Variants in CNTNAP2 observed in about 807,000 individuals in gnomAD.
The protein encoded by CNTNAP2 is contactin associated protein 2.
CNTNAP2 carries 98 observed loss-of-function variants against 155.2 expected under a neutral mutation model. The observed-to-expected ratio is 0.63, with a 90% CI of 0.54 to 0.75. The LOEUF is 0.75. CNTNAP2 is among the 30% of genes least tolerant of loss of function. The pLI is 0.00. For synonymous variants in CNTNAP2, 651 were observed against 631.2 expected (o/e 1.03, Z -0.47); for missense variants, 1,727 against 1,688.1 (o/e 1.02, Z -0.40).
intron 14 of CNTNAP2, among the ~76,000 whole-genome samples, chr7:147,976,457 T>TTC (rs1801427378): frequency 6.6e-6 from 1 of 152,226 alleles, no homozygotes; most frequent in African/African-American, 2.4e-5. Context: ...TGAGGCCTAG[T>TTC]CATTAGTAGC....
At chr7:147,497,191 A>G (rs189153422) in intron 11 of CNTNAP2, 10 of 152,316 alleles carry the variant, frequency 6.6e-5, no homozygotes, top group Non-Finnish European at 1.0e-4. Flanking sequence ...AATAAAGAAT[A>G]TGGTTTTATT....
intron 1 of CNTNAP2, among the ~76,000 whole-genome samples, chr7:146,718,333 G>C (rs886500333): frequency 2.6e-5 from 4 of 152,068 alleles, no homozygotes; most frequent in African/African-American, 9.7e-5. Flanking sequence ...CTATCAAAGA[G>C]AAGTTTCTCA....
intron 3 of CNTNAP2, among the ~76,000 whole-genome samples, chr7:146,893,474 CAT>C (rs752030161): frequency 1.1e-5 from 1 of 94,480 alleles, no homozygotes; most frequent in South Asian, 3.3e-4. Context: ...TATATACATA[CAT>C]ATATATATAT....
intron 16 of CNTNAP2, among the ~76,000 whole-genome samples, chr7:148,119,317 T>A (rs1804548102): frequency 1.3e-5 from 2 of 151,316 alleles, no homozygotes; most frequent in South Asian, 2.1e-4. Flanking sequence ...AGGTCAGGAG[T>A]TCGAGACCAT....
rs1212189660 is a variant in CNTNAP2 at position 146,546,243 on chromosome 7, C to T, written c.98-228028C>T. Among the ~76,000 whole-genome samples, 5 of 152,024 alleles carry T rather than the reference C, an allele frequency of 3.3e-5. No homozygotes were observed. In the East Asian group the frequency reaches 9.7e-4, roughly 29 times the overall value. On this transcript the variant is annotated intron_variant, in intron 1 of 23. Transcript: ENST00000361727. ...TGATAGCTAATAATTTTGAAATTGA[C>T]TTGGTAGAAAATTTCTGACTCTTCT...
intron 1 of CNTNAP2, among the ~76,000 whole-genome samples, chr7:146,451,861 A>ACG (rs1362604406): frequency 6.4e-5 from 4 of 62,658 alleles, no homozygotes; most frequent in South Asian, 2.9e-4. Context: ...TATTCTATAT[A>ACG]TATATATACG....
intron 12 of CNTNAP2, among the ~76,000 whole-genome samples, chr7:147,590,000 C>T (rs1472618463): frequency 6.6e-6 from 1 of 152,112 alleles, no homozygotes; most frequent in Admixed American, 6.5e-5. Context: ...CATATGGTTT[C>T]TTTGGCAGCT....
At chr7:147,666,727 A>C (rs1473528716) in intron 13 of CNTNAP2, among the ~76,000 whole-genome samples, 5 of 152,166 alleles carry the variant, frequency 3.3e-5, no homozygotes, top group Non-Finnish European at 5.9e-5. Flanking sequence ...ATCAAAATTC[A>C]TGGCTAATGT....
intron 1 of CNTNAP2, among the ~76,000 whole-genome samples, chr7:146,163,503 ATATC>A (rs1316157377): frequency 1.8e-4 from 8 of 43,248 alleles, no homozygotes; most frequent in African/African-American, 3.7e-4. Context: ...CTATATCTAT[ATATC>A]TATATATATC....
At chr7:146,170,644 T>C (rs1439138261) in intron 1 of CNTNAP2, among the ~76,000 whole-genome samples, 1 of 152,044 alleles carries the variant, frequency 6.6e-6, no homozygotes, top group Non-Finnish European at 1.5e-5. Context: ...AAGAAGAATA[T>C]GATTAGGTTG....
At chr7:147,717,116 G>GA (rs531314478) in intron 13 of CNTNAP2, among the ~76,000 whole-genome samples, 87 of 150,124 alleles carry the variant, frequency 5.8e-4, no homozygotes, top group African/African-American at 1.7e-3. Context: ...TATTTCTAAA[G>GA]AAAAAAAAAG....
At chr7:148,088,349 C>A in intron 15 of CNTNAP2, among the ~76,000 whole-genome samples, 2 of 151,052 alleles carry the variant, frequency 1.3e-5, no homozygotes, top group African/African-American at 2.4e-5. Context: ...GAAATAGAAA[C>A]TTAAAAACAG....
chr7:148,203,269 AG>A (rs1440451743), intron 18 of CNTNAP2, among the ~76,000 whole-genome samples: 9 of 152,300 alleles, frequency 5.9e-5, no homozygotes, highest in African/African-American at 2.2e-4. Context: ...TAATTCAAAC[AG>A]TGTACATTGC....
rs141247720 is a variant in CNTNAP2 at position 148,216,009 on chromosome 7, C to T, written c.3011-1279C>T. Reference sequence around the variant, plus strand: ...GGGATGTCAAGTGTTGTGAGATTAACGGTTGCATGGGCGATGGAGTGTGGG... The same window carrying T: ...GGGATGTCAAGTGTTGTGAGATTAATGGTTGCATGGGCGATGGAGTGTGGG... On this transcript the variant is annotated intron_variant, in intron 18 of 23. Coordinates refer to ENST00000361727, the MANE Select transcript of CNTNAP2 (RefSeq NM_014141.6). Among the ~76,000 whole-genome samples the T allele has an allele frequency of 5.1e-4, 78 of 152,304 alleles. No individual in the cohort carries two copies. In the East Asian group the frequency reaches 0.012, roughly 24 times the overall value.
At chr7:147,329,291 A>G (rs866181486) in intron 9 of CNTNAP2, among the ~76,000 whole-genome samples, 1 of 152,154 alleles carries the variant, frequency 6.6e-6, no homozygotes, top group African/African-American at 2.4e-5. Context: ...ATAAAAATGT[A>G]TAACATTCTT....
At chr7:146,301,962 C>T (rs1277571296) in intron 1 of CNTNAP2, among the ~76,000 whole-genome samples, 3 of 152,082 alleles carry the variant, frequency 2.0e-5, no homozygotes, top group African/African-American at 4.8e-5. Context: ...TTCAAGCTAC[C>T]TCGTAGGACT....
At chr7:148,202,197 C>T (rs936465688) in intron 18 of CNTNAP2, among the ~76,000 whole-genome samples, 1 of 152,128 alleles carries the variant, frequency 6.6e-6, no homozygotes, top group Admixed American at 6.5e-5. Context: ...TACAGTTCCC[C>T]TTGTGACAAA....
At chr7:146,341,332 A>T (rs1584878220) in intron 1 of CNTNAP2, among the ~76,000 whole-genome samples, 1 of 152,276 alleles carries the variant, frequency 6.6e-6, no homozygotes, top group African/African-American at 2.4e-5. Flanking sequence ...TAAATCCTAC[A>T]TATCTCGAAT....
chr7:147,738,663 T>A (rs942846829), intron 13 of CNTNAP2, among the ~76,000 whole-genome samples: 148 of 7,382 alleles, frequency 0.02, no homozygotes, highest in African/African-American at 0.068. Flanking sequence ...TTTTTTTTTA[T>A]TTTTTTTTTT....
Sources: allele counts gnomAD v4.1 joint callset (sites outside exome capture counted in the v4.1 genomes callset), GRCh38; gene constraint gnomAD v4.1.1; transcripts MANE v1.5; gene names NCBI Gene and HGNC (gene_info 2026-07-23, HGNC 2026-07-21).